DSTYK: variants seen among roughly 807,000 people sequenced by gnomAD.
DSTYK encodes dual serine/threonine and tyrosine protein kinase, also known as RIP-homologous kinase.
In DSTYK, 34 loss-of-function variants were observed where a neutral mutation model predicts 98.7. That is an observed-to-expected ratio of 0.34 (90% CI 0.26 to 0.46). The LOEUF (loss-of-function observed/expected upper bound fraction) is 0.46. DSTYK is among the 20% of genes least tolerant of loss of function. DSTYK has a pLI of 1.00. For missense variants in DSTYK, 962 were observed against 1,181.7 expected (o/e 0.81, Z 2.73); for synonymous variants, 462 against 457.3 (o/e 1.01, Z -0.13).
rs896378560 is a variant in DSTYK at position 205,150,295 on chromosome 1, C to T, written c.2467+385G>A. ...GCACTTAATTTAGCACTTAATCATACGTTGTGTTGTACTGCTTCCTATTTT... is the reference window on the plus strand; with the variant it reads ...GCACTTAATTTAGCACTTAATCATATGTTGTGTTGTACTGCTTCCTATTTT... On this transcript the variant is annotated intron_variant, in intron 11 of 12. Coordinates refer to ENST00000367162, the MANE Select transcript of DSTYK (RefSeq NM_015375.3). The surrounding 1 kb of genome is among the most constrained non-coding windows in gnomAD (Gnocchi z 4.1). Among the ~76,000 whole-genome samples, 1 of 152,150 alleles carries T rather than the reference C, an allele frequency of 6.6e-6. No homozygotes were observed. Among genetic ancestry groups the T allele is most frequent in the Admixed American group, 6.5e-5 (1 of 15,276 alleles).
At chr1:205,164,086 G>A in intron 3 of DSTYK, 131 bp from the exon 4 acceptor site, 1 of 738,010 alleles carries the variant, frequency 1.4e-6, no homozygotes, top group Non-Finnish European at 2.3e-6. Context: ...ATGATTCGTT[G>A]ATGATGTCTA....
In DSTYK at chr1:205,183,080, G is replaced by GCACACACA. The variant is rs35209324; in HGVS notation, c.654+4330_654+4337dup. 7.7e-3 allele frequency among the ~76,000 whole-genome samples: 684 copies of GCACACACA among 88,782 alleles called. 7 individuals carry two copies. Among genetic ancestry groups the GCACACACA allele is most frequent in the African/African-American group, 0.022 (662 of 30,102 alleles). The allele number at this position is 88,782 out of a possible 152,430, so 58.2% of individuals were successfully genotyped here. ...AGGTGTTCACAGGAAAAAAAAAAAA[G>GCACACACA]CACACACACACACACACACACAGAG... On this transcript the variant is annotated intron_variant, in intron 2 of 12. Coordinates refer to ENST00000367162, the MANE Select transcript of DSTYK (RefSeq NM_015375.3).
intron 1 of DSTYK, among the ~76,000 whole-genome samples, chr1:205,201,499 ATG>A (rs3975656): frequency 0.19 from 28,872 of 151,476 alleles, 3,008 homozygotes; most frequent in East Asian, 0.38. Flanking sequence ...AGAGAGTAAA[ATG>A]TGTGTGAATT....
At chr1:205,149,615 G>A (rs1024357035) in intron 11 of DSTYK, among the ~76,000 whole-genome samples, 3 of 152,102 alleles carry the variant, frequency 2.0e-5, no homozygotes, top group Admixed American at 6.6e-5. Context: ...TAATCATGGA[G>A]GCAACCATAG....
intron 1 of DSTYK, among the ~76,000 whole-genome samples, chr1:205,188,387 G>T (rs1195035109): frequency 6.6e-6 from 1 of 152,146 alleles, no homozygotes; most frequent in Non-Finnish European, 1.5e-5. Context: ...GGTGGTATGG[G>T]TATAGCCTAC....
rs757377763 is a variant in DSTYK, at chr1:205,187,656, G to A, written c.416C>T (p.Thr139Ile). The A allele has an allele frequency of 6.2e-7, 1 of 1,614,092 alleles. No individual in the cohort carries two copies. The highest frequency in any genetic ancestry group is 1.3e-5 in the African/African-American group (1 of 74,928). ...NLLLGVQVLP[T>I]TKLGSEESCK... Reference sequence around the variant, plus strand: ...GCTCTCCTCACTGCCCAGCTTGGTGGTGGGAAGCACCTGCACCCCCAACAG... The same window carrying A: ...GCTCTCCTCACTGCCCAGCTTGGTGATGGGAAGCACCTGCACCCCCAACAG... Residue 139 changes from threonine (T) to isoleucine (I), a missense_variant, in exon 2 of 13, where the codon ACC (threonine) becomes ATC (isoleucine). Coordinates refer to ENST00000367162, the MANE Select transcript of DSTYK (RefSeq NM_015375.3).
At chr1:205,176,882 A>G (rs1354463558) in intron 2 of DSTYK, among the ~76,000 whole-genome samples, 2 of 152,110 alleles carry the variant, frequency 1.3e-5, no homozygotes, top group Admixed American at 1.3e-4. Flanking sequence ...TATTATAACA[A>G]AGGATGATTA....
chr1:205,211,701 C>T lies in DSTYK; in HGVS notation c.-166G>A, dbSNP rs1659393155. Reference sequence around the variant, plus strand: ...TCACTGCCGTTGCAAACAAACCAAACCGCAGTGCGCCGCTATCGGAACCTT... The same window carrying T: ...TCACTGCCGTTGCAAACAAACCAAATCGCAGTGCGCCGCTATCGGAACCTT... On this transcript the variant is annotated 5_prime_UTR_variant, in exon 1 of 13. Transcript: ENST00000367162. The T allele has an allele frequency of 3.4e-6, 3 of 880,396 alleles. No homozygotes were observed. The highest frequency in any genetic ancestry group is 3.3e-6 in the Non-Finnish European group (2 of 614,724). 54.5% of individuals were successfully genotyped at this position (880,396 alleles called of 1,614,324 possible).
chr1:205,154,103 A>T (rs1260645185), intron 10 of DSTYK, among the ~76,000 whole-genome samples: 1 of 151,102 alleles, frequency 6.6e-6, no homozygotes, highest in Non-Finnish European at 1.5e-5. Flanking sequence ...AGAGAGAAAG[A>T]GAGAGCGTAC....
At position 205,187,575 on chromosome 1, in the gene DSTYK, G is replaced by A. The variant is rs143877075; in HGVS notation, c.497C>T (p.Ala166Val). The A allele has an allele frequency of 1.3e-5, 21 of 1,614,004 alleles. 1 individual carries two copies. Among genetic ancestry groups the A allele is most frequent in the African/African-American group, 5.3e-5 (4 of 74,908 alleles). The change falls in exon 2 of 13, where the codon GCG becomes GTG. Residue 166 changes from alanine (A) to valine (V), a missense_variant. Ala to Val is a moderately conservative substitution (Grantham distance 64). Transcript: ENST00000367162. The stretch of plus-strand genomic sequence containing the variant: ...CACTAGTTCATACTGTCCAGGGAGC[G>A]CCAGGCTGACCCGAGTCTGAGTCCC... ...TYGTQTRVSL[A>V]LPGQYELVHT...
At chr1:205,185,749 C>T (rs1386861940) in intron 2 of DSTYK, among the ~76,000 whole-genome samples, 1 of 152,074 alleles carries the variant, frequency 6.6e-6, no homozygotes, top group Admixed American at 6.6e-5. Context: ...AGTAGCCAGG[C>T]GTGGTGGCTC....
intron 10 of DSTYK, among the ~76,000 whole-genome samples, chr1:205,152,256 C>T (rs1161202946): frequency 1.3e-5 from 2 of 152,212 alleles, no homozygotes; most frequent in Admixed American, 1.3e-4. Flanking sequence ...CGGCTCATCG[C>T]AACCTCTGCC....
In DSTYK at chr1:205,163,021, G is replaced by T; in HGVS notation, c.1558-15C>A. 6.2e-7 allele frequency: 1 copy of T among 1,607,634 alleles called. No individual in the cohort carries two copies. Among genetic ancestry groups the T allele is most frequent in the Non-Finnish European group, 8.5e-7 (1 of 1,174,162 alleles). The stretch of plus-strand genomic sequence containing the variant: ...GCATTTAAGATCTGAAAGAGACAAC[G>T]CCAAAGAAAACATGTCCTCAGTAGT... On this transcript the variant is annotated splice_polypyrimidine_tract_variant and intron_variant, in intron 4 of 12. Coordinates refer to ENST00000367162, the MANE Select transcript of DSTYK (RefSeq NM_015375.3).
Position 205,150,756 on chromosome 1 carries a change from T to A in DSTYK, c.2391A>T (p.Gly797=). The A allele has an allele frequency of 6.2e-7, 1 of 1,614,130 alleles. No individual in the cohort carries two copies. The highest frequency in any genetic ancestry group is 1.3e-5 in the African/African-American group (1 of 75,048). ...KQNRAKITDL[G]FCKPEAMMSG... Reference sequence around the variant, plus strand: ...ACATCATGGCCTCTGGCTTGCAGAATCCTAAGTCAGTGATCTTGGCACGGT... The same window carrying A: ...ACATCATGGCCTCTGGCTTGCAGAAACCTAAGTCAGTGATCTTGGCACGGT... Residue 797 remains glycine, a synonymous_variant, in exon 11 of 13, where the codon GGA becomes GGT. Coordinates refer to ENST00000367162, the MANE Select transcript of DSTYK (RefSeq NM_015375.3). The surrounding 1 kb of genome is among the most constrained non-coding windows in gnomAD (Gnocchi z 4.1).
chr1:205,179,561 C>T (rs975367375), intron 2 of DSTYK, among the ~76,000 whole-genome samples: 20 of 148,644 alleles, frequency 1.3e-4, no homozygotes, highest in African/African-American at 4.5e-4. Flanking sequence ...GCAGAGCTTG[C>T]AGTGAGCCGA....
chr1:205,195,443 T>G (rs967861713), intron 1 of DSTYK, among the ~76,000 whole-genome samples: 18 of 152,142 alleles, frequency 1.2e-4, no homozygotes, highest in African/African-American at 4.1e-4. Context: ...TCTAGAAATA[T>G]TTATTTATCC....
chr1:205,159,079 C>T (rs1027936616), intron 9 of DSTYK, among the ~76,000 whole-genome samples: 22 of 151,486 alleles, frequency 1.5e-4, no homozygotes, highest in African/African-American at 3.4e-4. Context: ...TCTGATAAAT[C>T]TTTAAAAATT....
At position 205,211,493 on chromosome 1, in the gene DSTYK, C is replaced by A. The variant is rs200741404; in HGVS notation, c.43G>T (p.Gly15Cys). 27 of 1,579,190 alleles carry A rather than the reference C, an allele frequency of 1.7e-5. No homozygotes were observed. Among genetic ancestry groups the A allele is most frequent in the Admixed American group, 1.6e-4 (9 of 57,764 alleles). The change falls in exon 1 of 13, where the codon GGT becomes TGT. Residue 15 changes from glycine (G) to cysteine (C), a missense_variant. Gly to Cys is a radical substitution (Grantham distance 159, BLOSUM62 -3). Transcript: ENST00000367162. ...ATTCCGCCGCCGCCGGGGCCGGGAC[C>A]CGAGACGGGCTCGCTGCCCCATGGC... The part of the protein sequence containing the change: ...GVPWGSEPVS[G>C]PGPGGGGMIR...
intron 10 of DSTYK, among the ~76,000 whole-genome samples, chr1:205,151,048 C>T (rs1657388167): frequency 6.6e-6 from 1 of 152,162 alleles, no homozygotes; most frequent in African/African-American, 2.4e-5. Context: ...TATTACTGTA[C>T]TGAATACCAT....
Sources: allele counts gnomAD v4.1 joint callset (sites outside exome capture counted in the v4.1 genomes callset), GRCh38; gene constraint gnomAD v4.1.1; non-coding constraint Gnocchi (gnomAD v3.1); transcripts MANE v1.5; gene names NCBI Gene and HGNC (gene_info 2026-07-23, HGNC 2026-07-21).